The following AK8 variants were observed in gnomAD, a reference collection of about 807,000 sequenced individuals.
The protein encoded by AK8 is adenylate kinase 8.
A neutral mutation model predicts 54.6 loss-of-function variants in AK8; 44 were observed. That is an observed-to-expected ratio of 0.81 (90% CI 0.63 to 1.04). The LOEUF is 1.04. Ranked by LOEUF, AK8 falls within the 50% of genes least tolerant of loss-of-function variation. The pLI, the probability that AK8 is intolerant of heterozygous loss-of-function variation, is 0.00. For synonymous variants in AK8, 239 were observed against 245.6 expected, an observed-to-expected ratio of 0.97 and a Z score of 0.25; for missense variants, 555 against 613.6, an observed-to-expected ratio of 0.90 and a Z score of 1.01.
chr9:132,798,585 G>T (rs1169014282), intron 10 of AK8, among the ~76,000 whole-genome samples: 1 of 152,100 alleles, frequency 6.6e-6, no homozygotes, highest in African/African-American at 2.4e-5. Flanking sequence ...CAAAGCTACC[G>T]CCAAGGGTTA....
intron 11 of AK8, among the ~76,000 whole-genome samples, chr9:132,757,764 A>G (rs74632919): frequency 0.012 from 1,758 of 152,240 alleles, 39 homozygotes; most frequent in African/African-American, 0.041. Context: ...GAAATACTCT[A>G]TCTGTCTATC....
intron 11 of AK8, among the ~76,000 whole-genome samples, chr9:132,762,810 G>A (rs1212911611): frequency 1.3e-5 from 2 of 152,072 alleles, no homozygotes; most frequent in African/African-American, 4.8e-5. Context: ...CCCAGGAGGC[G>A]AAGTTTGCAT....
At chr9:132,750,800 G>C (rs1042078157) in intron 11 of AK8, among the ~76,000 whole-genome samples, 1 of 151,876 alleles carries the variant, frequency 6.6e-6, no homozygotes, top group East Asian at 1.9e-4. Context: ...TGGAAATTAG[G>C]TACAAATTGT....
chr9:132,846,219 T>C (rs1449065777), intron 5 of AK8, among the ~76,000 whole-genome samples: 1 of 152,212 alleles, frequency 6.6e-6, no homozygotes, highest in Non-Finnish European at 1.5e-5. Flanking sequence ...ACTTTGAGGG[T>C]TGCTCAGTGG....
chr9:132,751,200 A>G (rs1837905673), intron 11 of AK8, among the ~76,000 whole-genome samples: 1 of 151,716 alleles, frequency 6.6e-6, no homozygotes, highest in South Asian at 2.1e-4. Flanking sequence ...CCCGGCCAAC[A>G]TGGTGAAACC....
intron 12 of AK8, among the ~76,000 whole-genome samples, chr9:132,726,735 GAAGT>G (rs1836593716): frequency 6.6e-6 from 1 of 152,180 alleles, no homozygotes; most frequent in Admixed American, 6.5e-5. Flanking sequence ...GAGATGGAAG[GAAGT>G]ACTACAGCCG....
At chr9:132,759,195 CAAAA>C (rs11354456) in intron 11 of AK8, among the ~76,000 whole-genome samples, 1 of 82,774 alleles carries the variant, frequency 1.2e-5, no homozygotes. Flanking sequence ...GACCTGGTCT[CAAAA>C]AAAAAAAAAA....
intron 11 of AK8, among the ~76,000 whole-genome samples, chr9:132,768,298 G>A (rs551025808): frequency 8.9e-5 from 13 of 146,470 alleles, no homozygotes; most frequent in East Asian, 8.0e-4. Context: ...ACGGAGTTTC[G>A]CTCTTGTTGC....
At chr9:132,739,275 C>A (rs1050283868) in intron 11 of AK8, among the ~76,000 whole-genome samples, 1 of 150,792 alleles carries the variant, frequency 6.6e-6, no homozygotes, top group Non-Finnish European at 1.5e-5. Context: ...GACGGTGAGA[C>A]CCCGTCTCTA....
intron 11 of AK8, among the ~76,000 whole-genome samples, chr9:132,776,261 C>T (rs999555562): frequency 1.3e-5 from 2 of 152,208 alleles, no homozygotes; most frequent in African/African-American, 4.8e-5. Flanking sequence ...ACCTTGGGCT[C>T]GAGCCCAGGG....
At position 132,823,239 on chromosome 9, in the gene AK8, G is replaced by A. The variant is rs199788199; in HGVS notation, c.855C>T (p.Ala285=). Residue 285 remains alanine, a synonymous_variant, in exon 9 of 13, where the codon GCC becomes GCT. Coordinates refer to ENST00000298545, the MANE Select transcript of AK8 (RefSeq NM_152572.3). ...GCCTGTATTTCTGGGCCAGGAGGGC[G>A]GCCTGCAGACTTTTCCCACTGCCCA... ...GPVGSGKSLQ[A]ALLAQKYRLV... 4.4e-6 allele frequency: 7 copies of A among 1,601,916 alleles called. No individual in the cohort carries two copies. Among genetic ancestry groups the A allele is most frequent in the South Asian group, 1.1e-5 (1 of 89,358 alleles).
chr9:132,761,088 C>A (rs1041477498), intron 11 of AK8, among the ~76,000 whole-genome samples: 1 of 151,760 alleles, frequency 6.6e-6, no homozygotes, highest in Non-Finnish European at 1.5e-5. Context: ...TTTCTGTTTT[C>A]TGAAAAGAGT....
At chr9:132,832,445 T>C (rs1346209328) in intron 5 of AK8, among the ~76,000 whole-genome samples, 3 of 152,130 alleles carry the variant, frequency 2.0e-5, no homozygotes, top group Non-Finnish European at 4.4e-5. Context: ...TCCCTCACAG[T>C]TCTGGAAGCC....
intron 11 of AK8, among the ~76,000 whole-genome samples, chr9:132,735,875 T>C (rs1259769382): frequency 6.6e-6 from 1 of 152,240 alleles, no homozygotes; most frequent in Non-Finnish European, 1.5e-5. Flanking sequence ...CGTTGCTTAA[T>C]AACAGGGACA....
intron 2 of AK8, among the ~76,000 whole-genome samples, chr9:132,870,139 A>T (rs563512559): frequency 6.6e-6 from 1 of 151,892 alleles, no homozygotes; most frequent in Non-Finnish European, 1.5e-5. Flanking sequence ...TGCAGGGGAA[A>T]CCCTCCCCTT....
intron 11 of AK8, among the ~76,000 whole-genome samples, chr9:132,766,492 A>C (rs934273876): frequency 1.3e-5 from 2 of 152,224 alleles, no homozygotes; most frequent in Non-Finnish European, 2.9e-5. Flanking sequence ...GAAATTAAAG[A>C]GGTCATACAC....
intron 11 of AK8, among the ~76,000 whole-genome samples, chr9:132,744,439 G>T (rs1386206953): frequency 2.1e-5 from 3 of 145,906 alleles, no homozygotes. Flanking sequence ...AAAAAGGATA[G>T]ATGCTGTTTT....
At chr9:132,843,353 G>A (rs1371710510) in intron 5 of AK8, among the ~76,000 whole-genome samples, 2 of 152,102 alleles carry the variant, frequency 1.3e-5, no homozygotes, top group Admixed American at 6.6e-5. Context: ...TTCACCTTCT[G>A]CCGTGATGGT....
chr9:132,777,200 G>C (rs1202986275), intron 11 of AK8, among the ~76,000 whole-genome samples: 1 of 152,130 alleles, frequency 6.6e-6, no homozygotes, highest in Non-Finnish European at 1.5e-5. Flanking sequence ...GTACTTCTCA[G>C]AAGCTCTGAT....
Sources: allele counts gnomAD v4.1 joint callset (sites outside exome capture counted in the v4.1 genomes callset), GRCh38; gene constraint gnomAD v4.1.1; transcripts MANE v1.5; gene names NCBI Gene and HGNC (gene_info 2026-07-23, HGNC 2026-07-21).